Variants in PIK3CB observed in about 807,000 individuals in gnomAD.
PIK3CB encodes phosphatidylinositol-4,5-bisphosphate 3-kinase catalytic subunit beta.
A neutral mutation model predicts 136.8 loss-of-function variants in PIK3CB; 39 were observed. The observed-to-expected ratio is 0.29, with a 90% CI of 0.22 to 0.37. The LOEUF is 0.37. Among genes scored for constraint, PIK3CB ranks in the 10% least tolerant of loss-of-function variants. The pLI, the probability that PIK3CB is intolerant of heterozygous loss-of-function variation, is 1.00. For missense variants in PIK3CB, 868 were observed against 1,275.4 expected, an observed-to-expected ratio of 0.68 and a Z score of 4.87; for synonymous variants, 428 against 436.6, an observed-to-expected ratio of 0.98 and a Z score of 0.25.
At position 138,758,477 on chromosome 3, in the gene PIK3CB, T is replaced by C. The variant is rs534202961; in HGVS notation, c.171+696A>G. On this transcript the variant is annotated intron_variant, in intron 3 of 23. Transcript: ENST00000674063. ...TACTTGTCACTGGTGACTATAAAAA[T>C]AGGTGCACCATGCATGAGCGTATGA... Among the ~76,000 whole-genome samples, 2 of 152,356 alleles carry C rather than the reference T, an allele frequency of 1.3e-5. 1 individual carries two copies. The highest frequency in any genetic ancestry group is 4.1e-4 in the South Asian group (2 of 4,828).
Position 138,694,854 on chromosome 3 carries a change from C to T in PIK3CB, c.1824G>A (p.Glu608=). The T allele has an allele frequency of 1.2e-6, 2 of 1,612,964 alleles. No individual in the cohort carries two copies. The highest frequency in any genetic ancestry group is 1.1e-5 in the South Asian group (1 of 90,800). Residue 608 remains glutamate, a synonymous_variant, in exon 14 of 24, where the codon GAG becomes GAA. Transcript: ENST00000674063. ...GGTCTGGATAGTTGAAATCCAGAAG[C>T]TCTAGGGCCTCCCGGGGGGGCAGTT... ...WPKLPPREAL[E]LLDFNYPDQY...
At chr3:138,805,505 A>G (rs2046223961) in intron 1 of PIK3CB, among the ~76,000 whole-genome samples, 1 of 150,966 alleles carries the variant, frequency 6.6e-6, no homozygotes, top group Non-Finnish European at 1.5e-5. Context: ...CCCCGTCTCC[A>G]ATAAAAATAC....
chr3:138,805,856 A>T (rs1045611737), intron 1 of PIK3CB, among the ~76,000 whole-genome samples: 12 of 151,264 alleles, frequency 7.9e-5, no homozygotes, highest in Admixed American at 2.0e-4. Flanking sequence ...CAGCTTCCTG[A>T]GTAGCTGGGA....
chr3:138,705,199 A>AAAAAAAAAAAAAT (rs1559828867), intron 11 of PIK3CB, among the ~76,000 whole-genome samples: 4 of 143,346 alleles, frequency 2.8e-5, no homozygotes, highest in Non-Finnish European at 6.1e-5. Flanking sequence ...ACAAAAAAAA[A>AAAAAAAAAAAAAT]AACTTATATT....
At chr3:138,778,263 AG>A in intron 2 of PIK3CB, 1 of 412,592 alleles carries the variant, frequency 2.4e-6, no homozygotes, top group Non-Finnish European at 4.8e-6. Context: ...CGCAATTCCC[AG>A]CAAACCTTCT....
In PIK3CB at chr3:138,733,103, A is replaced by C. The variant is rs531177229; in HGVS notation, c.1050+258T>G. ...CTTCTATATAATATATAGAAGAAAT[A>C]TGTAATATATACTGGAAAAATAATG... On this transcript the variant is annotated intron_variant, in intron 8 of 23. Transcript: ENST00000674063. Among the ~76,000 whole-genome samples, 536 of 151,054 alleles carry C rather than the reference A, an allele frequency of 3.5e-3. 2 individuals are homozygous for C. Among genetic ancestry groups the C allele is most frequent in the Non-Finnish European group, 5.5e-3 (370 of 67,756 alleles).
intron 17 of PIK3CB, 38 bp from the exon 18 acceptor site, chr3:138,683,825 AAT>A: frequency 2.0e-6 from 2 of 982,858 alleles, no homozygotes; most frequent in Non-Finnish European, 3.3e-6. Context: ...ACTTCAGTGT[AAT>A]GATACAGAAG....
intron 2 of PIK3CB, chr3:138,777,956 T>C: frequency 2.7e-6 from 1 of 366,340 alleles, no homozygotes; most frequent in Non-Finnish European, 5.4e-6. Flanking sequence ...CTACACGGTC[T>C]ATATGTTCCA....
At position 138,783,808 on chromosome 3, in the gene PIK3CB, AAATGATAAAATAAACAAC is replaced by A. The variant is rs563356378; in HGVS notation, c.-17+12637_-17+12654del. Among the ~76,000 whole-genome samples, 151 of 152,340 alleles carry A rather than the reference AAATGATAAAATAAACAAC, an allele frequency of 9.9e-4. 1 individual carries two copies. The highest frequency in any genetic ancestry group is 5.9e-3 in the Admixed American group (91 of 15,296). On this transcript the variant is annotated intron_variant, in intron 2 of 23. Coordinates refer to ENST00000674063, the MANE Select transcript of PIK3CB (RefSeq NM_006219.3). ...GAAGAATGTCAAACAGATAAATAAA[AAATGATAAAATAAACAAC>A]TTTTGAAAGTTACAGTGTGAAAAAG...
chr3:138,704,469 C>T lies in PIK3CB; in HGVS notation c.1555G>A (p.Ala519Thr), dbSNP rs2108548959. 1 of 1,607,814 alleles carries T rather than the reference C, an allele frequency of 6.2e-7. No individual in the cohort carries two copies. The highest frequency in any genetic ancestry group is 1.3e-5 in the African/African-American group (1 of 74,912). ...DKIIEKAAEI[A>T]SSDSANVSSR... The stretch of plus-strand genomic sequence containing the variant: ...GACACATTAGCACTATCACTGCTTG[C>T]AATCTCAGCTGCCTTTTCAATAATC... Residue 519 changes from alanine to threonine, a missense_variant, in exon 12 of 24, where the codon GCA (alanine) becomes ACA (threonine). By Grantham distance (58) the Ala-to-Thr change is moderately conservative. Around this residue, in one of 4 missense-constraint regions of PIK3CB, gnomAD observed 612 missense variants for 801.1 expected, o/e 0.76. Coordinates refer to ENST00000674063, the MANE Select transcript of PIK3CB (RefSeq NM_006219.3).
chr3:138,824,523 G>C (rs565854207), intron 1 of PIK3CB, among the ~76,000 whole-genome samples: 3 of 151,952 alleles, frequency 2.0e-5, no homozygotes, highest in Non-Finnish European at 4.4e-5. Context: ...GGCCGGGCGC[G>C]GTGGCTCATC....
At chr3:138,681,940 G>T in intron 19 of PIK3CB, 27 bp downstream of exon 19, 2 of 1,155,478 alleles carry the variant, frequency 1.7e-6, no homozygotes, top group Non-Finnish European at 1.2e-6. Context: ...ACATTAGACT[G>T]AAAAAAAAAA....
At chr3:138,751,973 A>T (rs1468619114) in intron 4 of PIK3CB, among the ~76,000 whole-genome samples, 8 of 42,358 alleles carry the variant, frequency 1.9e-4, no homozygotes, top group Non-Finnish European at 4.7e-4. Flanking sequence ...TCTGTATATA[A>T]AAAAAAAAAA....
chr3:138,672,910 GAAAAAAAA>G (rs748631273), intron 19 of PIK3CB, among the ~76,000 whole-genome samples: 2 of 61,378 alleles, frequency 3.3e-5, no homozygotes, highest in East Asian at 5.1e-4. Flanking sequence ...AGACTCCGTT[GAAAAAAAA>G]AAAAAAAAAA....
intron 2 of PIK3CB, among the ~76,000 whole-genome samples, chr3:138,786,186 G>A (rs981919859): frequency 6.6e-6 from 1 of 152,084 alleles, no homozygotes; most frequent in East Asian, 1.9e-4. Flanking sequence ...AGTCTCTCCT[G>A]GGTGCTCAGA....
intron 21 of PIK3CB, among the ~76,000 whole-genome samples, chr3:138,661,457 G>A (rs997567432): frequency 1.5e-4 from 23 of 152,080 alleles, no homozygotes; most frequent in African/African-American, 4.3e-4. Flanking sequence ...CTATCACCCC[G>A]AAGTCTGGTA....
At chr3:138,719,479 C>A (rs771552035) in intron 8 of PIK3CB, among the ~76,000 whole-genome samples, 1 of 152,026 alleles carries the variant, frequency 6.6e-6, no homozygotes, top group Admixed American at 6.6e-5. Context: ...CTCCTGAGCT[C>A]AAGTGATCTG....
At chr3:138,797,169 C>G (rs1417779248) in intron 1 of PIK3CB, 1 of 155,248 alleles carries the variant, frequency 6.4e-6, no homozygotes, top group Non-Finnish European at 1.4e-5. Flanking sequence ...ATTGAGTCTG[C>G]CAGAGAGAAG....
intron 2 of PIK3CB, among the ~76,000 whole-genome samples, chr3:138,785,031 C>T (rs1451544205): frequency 2.0e-5 from 3 of 151,812 alleles, no homozygotes; most frequent in African/African-American, 2.4e-5. Flanking sequence ...GGAGCCCCTC[C>T]GCCCCGCAGC....
Sources: gnomAD v4.1 joint callset for allele counts (sites outside exome capture counted in the v4.1 genomes callset) on GRCh38, gnomAD v4.1.1 for gene constraint, gnomAD v4.1.1 regional missense constraint, MANE v1.5 for transcripts, NCBI Gene and HGNC (gene_info 2026-07-23, HGNC 2026-07-21) for gene names.